GRIK4: variants seen among roughly 807,000 people sequenced by gnomAD.
The protein encoded by GRIK4 is glutamate ionotropic receptor kainate type subunit 4.
Under a neutral mutation model 104.9 loss-of-function variants are expected in GRIK4, and 40 were observed. The ratio of observed to expected loss-of-function variants is 0.38; its 90% CI spans 0.30 to 0.50. The LOEUF is 0.50. Among genes scored for constraint, GRIK4 ranks in the 20% least tolerant of loss-of-function variants. GRIK4 has a pLI of 0.93. For synonymous variants in GRIK4, 485 were observed against 524.9 expected (o/e 0.92, Z 1.04); for missense variants, 1,047 against 1,308.1 (o/e 0.80, Z 3.08).
At chr11:120,713,934 T>C (rs1950783167) in intron 3 of GRIK4, among the ~76,000 whole-genome samples, 1 of 152,080 alleles carries the variant, frequency 6.6e-6, no homozygotes, top group Admixed American at 6.6e-5. Flanking sequence ...ATGAATAGAA[T>C]TGGGGCTGGA....
chr11:120,787,456 A>T (rs569930846), intron 3 of GRIK4, among the ~76,000 whole-genome samples: 4 of 146,954 alleles, frequency 2.7e-5, no homozygotes, highest in Non-Finnish European at 4.5e-5. Flanking sequence ...TATTTTATTT[A>T]TTTTATTTTA....
At chr11:120,597,069 T>G (rs2135122647) in intron 1 of GRIK4, among the ~76,000 whole-genome samples, 1 of 152,272 alleles carries the variant, frequency 6.6e-6, no homozygotes, top group East Asian at 1.9e-4. Flanking sequence ...GGGGCTTCTA[T>G]ATATGTAAGC....
chr11:120,804,043 C>T (rs1333313919), intron 4 of GRIK4, among the ~76,000 whole-genome samples: 1 of 152,194 alleles, frequency 6.6e-6, no homozygotes, highest in African/African-American at 2.4e-5. Context: ...GTTTGTATTA[C>T]CTTGACAACT....
chr11:120,987,271 T>C lies in GRIK4; in HGVS notation c.*1011T>C, dbSNP rs112401674. On this transcript the variant is annotated 3_prime_UTR_variant, in exon 21 of 21. Coordinates refer to ENST00000527524, the MANE Select transcript of GRIK4 (RefSeq NM_014619.5). ...CATGGCCTTGGCTTCCGGTGGAACG[T>C]GCCGTTCACAGAGGCGGAAGGACTG... The C allele has an allele frequency of 0.01, 1,580 of 152,316 alleles. 15 individuals are homozygous for C. Among genetic ancestry groups the C allele is most frequent in the African/African-American group, 0.023 (944 of 41,546 alleles). The allele number at this position is 152,316 out of a possible 1,614,324, so 9.4% of individuals were successfully genotyped here. A position where few individuals can be genotyped will look rare whatever the true frequency, so the allele number is the denominator to read the frequency against.
Position 120,619,645 on chromosome 11 carries a change from C to T in GRIK4, c.-158-34040C>T, listed in dbSNP as rs374693981. ...TTCCCTGTTGGTGCCGTTCTTGTGA[C>T]AGTGAGTGAGTTCCCATGAGATCTG... is the stretch of plus-strand genomic sequence containing the variant. On this transcript the variant is annotated intron_variant, in intron 1 of 20. Transcript: ENST00000527524. Among the ~76,000 whole-genome samples the T allele has an allele frequency of 7.2e-5, 11 of 152,206 alleles. No individual in the cohort carries two copies. In the East Asian group the frequency reaches 1.7e-3, roughly 24 times the overall value.
intron 3 of GRIK4, among the ~76,000 whole-genome samples, chr11:120,796,892 G>C (rs1405207641): frequency 6.6e-6 from 1 of 151,974 alleles, no homozygotes; most frequent in Non-Finnish European, 1.5e-5. Context: ...CGCTGCAGGG[G>C]GGAGGAGTCC....
intron 3 of GRIK4, among the ~76,000 whole-genome samples, chr11:120,761,442 C>A (rs1194816351): frequency 6.6e-6 from 1 of 152,172 alleles, no homozygotes; most frequent in Non-Finnish European, 1.5e-5. Context: ...TGCAGAAGCT[C>A]TTTAGTTTAA....
chr11:120,802,682 C>G lies in GRIK4; in HGVS notation c.83-11C>G. The G allele has an allele frequency of 6.2e-7, 1 of 1,611,704 alleles. No individual in the cohort carries two copies. Among genetic ancestry groups the G allele is most frequent in the Non-Finnish European group, 8.5e-7 (1 of 1,178,696 alleles). ...AGTACCAATTGTCTCCATGTGGTTG[C>G]CTGCCCACAGCTGCTATCTTGGACG... On this transcript the variant is annotated splice_polypyrimidine_tract_variant and intron_variant, in intron 3 of 20. Transcript: ENST00000527524.
At chr11:120,682,173 A>G (rs1221259663) in intron 3 of GRIK4, among the ~76,000 whole-genome samples, 2 of 152,200 alleles carry the variant, frequency 1.3e-5, no homozygotes, top group Non-Finnish European at 2.9e-5. Context: ...GTCAGAAGGA[A>G]GTCGAATTGA....
chr11:120,897,352 C>T (rs1367706039), intron 11 of GRIK4, among the ~76,000 whole-genome samples: 3 of 148,510 alleles, frequency 2.0e-5, no homozygotes, highest in Admixed American at 1.3e-4. Context: ...GAGTACATCT[C>T]GGCCGGGCGC....
At chr11:120,580,536 G>A (rs939701435) in intron 1 of GRIK4, among the ~76,000 whole-genome samples, 2 of 150,914 alleles carry the variant, frequency 1.3e-5, no homozygotes, top group African/African-American at 4.9e-5. Context: ...CAAAGTGCTG[G>A]GATTACAGGT....
intron 8 of GRIK4, chr11:120,858,824 G>C (rs1954187846): frequency 6.6e-6 from 1 of 152,128 alleles, no homozygotes; most frequent in Non-Finnish European, 1.5e-5. Context: ...CTTAAGTTTA[G>C]ATAAAAAGGA....
At chr11:120,599,812 A>C (rs4936525) in intron 1 of GRIK4, among the ~76,000 whole-genome samples, 103,144 of 152,136 alleles carry the variant, frequency 0.68, 35,311 homozygotes, top group Non-Finnish European at 0.7. Flanking sequence ...CCTTGTCCCC[A>C]AGCTCAGCCT....
intron 3 of GRIK4, among the ~76,000 whole-genome samples, chr11:120,728,284 G>T (rs139406730): frequency 9.2e-5 from 14 of 152,114 alleles, no homozygotes; most frequent in Non-Finnish European, 1.9e-4. Context: ...ATTCAAAAAA[G>T]AAAATGTGAA....
chr11:120,514,252 G>A (rs1947696665), intron 1 of GRIK4, among the ~76,000 whole-genome samples: 1 of 152,180 alleles, frequency 6.6e-6, no homozygotes, highest in African/African-American at 2.4e-5. Flanking sequence ...CCTTATGTGT[G>A]TATGGGGTTC....
At chr11:120,930,174 CTAGCT>C (rs1336506887) in intron 13 of GRIK4, among the ~76,000 whole-genome samples, 3 of 152,198 alleles carry the variant, frequency 2.0e-5, no homozygotes, top group African/African-American at 7.2e-5. Flanking sequence ...TCTTCATGTC[CTAGCT>C]GCGTGTATTT....
At chr11:120,668,741 G>A (rs748785216) in intron 3 of GRIK4, among the ~76,000 whole-genome samples, 8 of 152,224 alleles carry the variant, frequency 5.3e-5, no homozygotes, top group Non-Finnish European at 8.8e-5. Context: ...CACCAGGAGC[G>A]TGGGCTCTGG....
chr11:120,772,774 T>C (rs1030041841), intron 3 of GRIK4, among the ~76,000 whole-genome samples: 51 of 151,828 alleles, frequency 3.4e-4, no homozygotes, highest in Non-Finnish European at 1.5e-5. Context: ...AGCATGCTGC[T>C]GGAAGGATTG....
intron 11 of GRIK4, among the ~76,000 whole-genome samples, chr11:120,886,310 G>C (rs1349505538): frequency 2.0e-5 from 3 of 152,208 alleles, no homozygotes; most frequent in South Asian, 2.1e-4. Flanking sequence ...GTCTATTTTT[G>C]TGCTTTTTCT....
Sources: allele counts gnomAD v4.1 joint callset (sites outside exome capture counted in the v4.1 genomes callset), GRCh38; gene constraint gnomAD v4.1.1; transcripts MANE v1.5; gene names NCBI Gene and HGNC (gene_info 2026-07-23, HGNC 2026-07-21).